Variants in TDRD1 observed in about 807,000 individuals in gnomAD.
TDRD1 encodes the protein tudor domain containing 1, also known as tudor domain-containing protein 1.
Under a neutral mutation model 140.6 loss-of-function variants are expected in TDRD1, and 37 were observed. The observed-to-expected ratio is 0.26, with a 90% CI of 0.20 to 0.35. TDRD1 has a LOEUF of 0.35. Ranked by LOEUF, TDRD1 falls within the 10% of genes least tolerant of loss-of-function variation. TDRD1 has a pLI of 1.00. For missense variants in TDRD1, 1,243 were observed against 1,393.0 expected (o/e 0.89, Z 1.71); for synonymous variants, 506 against 475.7 (o/e 1.06, Z -0.83).
intron 1 of TDRD1, among the ~76,000 whole-genome samples, chr10:114,181,373 G>T (rs1197752936): frequency 6.6e-6 from 1 of 152,214 alleles, no homozygotes; most frequent in Non-Finnish European, 1.5e-5. Context: ...AGCCGATGTG[G>T]CTTCAGGGCC....
chr10:114,207,648 T>A (rs2035212652), intron 11 of TDRD1, among the ~76,000 whole-genome samples: 1 of 150,842 alleles, frequency 6.6e-6, no homozygotes, highest in Non-Finnish European at 1.5e-5. Context: ...TGCAATAGAG[T>A]GAGGAAGAAT....
At chr10:114,221,854 A>C (rs1422895413) in intron 20 of TDRD1, among the ~76,000 whole-genome samples, 1 of 152,248 alleles carries the variant, frequency 6.6e-6, no homozygotes, top group Non-Finnish European at 1.5e-5. Context: ...AGACGTAGAG[A>C]AATGTTTCAC....
intron 2 of TDRD1, among the ~76,000 whole-genome samples, chr10:114,188,556 C>T (rs544941414): frequency 1.9e-4 from 29 of 152,206 alleles, no homozygotes; most frequent in Non-Finnish European, 3.8e-4. Context: ...TCCTTTAGTT[C>T]CCGTTCTAAA....
intron 20 of TDRD1, among the ~76,000 whole-genome samples, chr10:114,221,997 G>A (rs1277867898): frequency 6.6e-6 from 1 of 152,206 alleles, no homozygotes; most frequent in Non-Finnish European, 1.5e-5. Flanking sequence ...CTGAAGATGA[G>A]TTAGTGCAAG....
At chr10:114,209,783 A>G (rs906548448) in intron 11 of TDRD1, among the ~76,000 whole-genome samples, 1 of 152,220 alleles carries the variant, frequency 6.6e-6, no homozygotes, top group African/African-American at 2.4e-5. Flanking sequence ...TAATAAGTCT[A>G]TAATCTAGAT....
At chr10:114,181,673 C>CAA in intron 1 of TDRD1, among the ~76,000 whole-genome samples, 1 of 152,070 alleles carries the variant, frequency 6.6e-6, no homozygotes, top group Non-Finnish European at 1.5e-5. Context: ...GGTGAAACCC[C>CAA]GTCTCTACTA....
At chr10:114,213,095 G>T (rs577216549) in intron 14 of TDRD1, among the ~76,000 whole-genome samples, 13 of 152,250 alleles carry the variant, frequency 8.5e-5, no homozygotes, top group Admixed American at 4.6e-4. Flanking sequence ...TGGTAGAGAT[G>T]TGAGTCTGGC....
At chr10:114,201,372 A>G (rs1033911746) in intron 4 of TDRD1, 38 bp from the exon 5 acceptor site, 1 of 1,525,820 alleles carries the variant, frequency 6.6e-7, no homozygotes, top group Non-Finnish European at 9.1e-7. Flanking sequence ...GAATGTCTTG[A>G]TCTTCATCTG....
exon 17 of TDRD1, chr10:114,217,581 C>A: frequency 3.7e-6 from 6 of 1,603,304 alleles, no homozygotes; most frequent in Non-Finnish European, 5.1e-6. Flanking sequence ...AAGTCATTAG[C>A]AGAACACTGC....
At position 114,201,111 on chromosome 10, in the gene TDRD1, C is replaced by T. The variant is rs192334843; in HGVS notation, c.530-299C>T. 4.6e-3 allele frequency among the ~76,000 whole-genome samples: 693 copies of T among 152,024 alleles called. 5 individuals are homozygous for T. The highest frequency in any genetic ancestry group is 0.016 in the African/African-American group (644 of 41,472). On this transcript the variant is annotated intron_variant, in intron 4 of 25. Transcript: ENST00000251864. Reference sequence around the variant, plus strand: ...CCTCAGGTGATTCACCTGCCTCAGCCGCCCAAAGTGCTGGGATTACAGACG... The same window carrying T: ...CCTCAGGTGATTCACCTGCCTCAGCTGCCCAAAGTGCTGGGATTACAGACG...
intron 11 of TDRD1, among the ~76,000 whole-genome samples, chr10:114,206,763 G>A (rs760468231): frequency 3.9e-5 from 6 of 151,974 alleles, no homozygotes; most frequent in South Asian, 2.1e-4. Context: ...ACAGGCTCCC[G>A]CTAGCACGCC....
At chr10:114,216,858 C>A (rs2035843179) in intron 16 of TDRD1, among the ~76,000 whole-genome samples, 1 of 152,148 alleles carries the variant, frequency 6.6e-6, no homozygotes, top group African/African-American at 2.4e-5. Context: ...AGTAAATGAG[C>A]CTTTGTCACA....
chr10:114,201,068 C>A (rs1589678822), intron 4 of TDRD1, among the ~76,000 whole-genome samples: 2 of 151,806 alleles, frequency 1.3e-5, no homozygotes, highest in East Asian at 3.9e-4. Flanking sequence ...GTTGGCCAGG[C>A]TGGTCTCGAA....
At chr10:114,181,616 G>A (rs529534041) in intron 1 of TDRD1, among the ~76,000 whole-genome samples, 1 of 152,288 alleles carries the variant, frequency 6.6e-6, no homozygotes, top group South Asian at 2.1e-4. Context: ...CGCTTCGGGA[G>A]GCTGAGGCGG....
At chr10:114,198,937 C>A (rs574757704) in intron 3 of TDRD1, among the ~76,000 whole-genome samples, 1 of 152,226 alleles carries the variant, frequency 6.6e-6, no homozygotes, top group African/African-American at 2.4e-5. Context: ...ACCCAGACAT[C>A]TTATTGCCAT....
At chr10:114,210,601 A>C (rs1255441350) in exon 12 of TDRD1, 1 of 1,595,042 alleles carries the variant, frequency 6.3e-7, no homozygotes, top group African/African-American at 1.3e-5. Flanking sequence ...AGATGTTGGA[A>C]AAATGACAAC....
chr10:114,203,304 T>C, intron 7 of TDRD1, 84 bp from the exon 8 acceptor site: 6 of 1,520,414 alleles, frequency 3.9e-6, no homozygotes, highest in Non-Finnish European at 5.3e-6. Context: ...CAATGCTGTT[T>C]GTGTCTTAGT....
rs551925721 is a variant in TDRD1 at position 114,190,482 on chromosome 10, T to C, written c.326-479T>C. Among the ~76,000 whole-genome samples the C allele has an allele frequency of 2.2e-4, 34 of 152,230 alleles. No homozygotes were observed. The South Asian group carries it at 6.7e-3, about 30-fold the overall frequency. On this transcript the variant is annotated intron_variant, in intron 2 of 25. Coordinates refer to ENST00000251864, the Ensembl canonical transcript of TDRD1. ...TCAAGAAAATTTTGAACAAGTCCTT[T>C]TATTTATATTTTTACTTTTTTTCAA...
chr10:114,224,407 C>A lies in TDRD1; in HGVS notation c.3008-1642C>A, dbSNP rs569781198. ...CTTAGTATGGTGTTTCTTTTTCTAC[C>A]GTTTTGCTGGGCACTCAGTGGGTGG... On this transcript the variant is annotated intron_variant, in intron 21 of 25. Transcript: ENST00000251864. Among the ~76,000 whole-genome samples, 29 of 152,222 alleles carry A rather than the reference C, an allele frequency of 1.9e-4. No individual in the cohort carries two copies. In the South Asian group the frequency reaches 6.0e-3, roughly 32 times the overall value.
Sources: allele counts gnomAD v4.1 joint callset (sites outside exome capture counted in the v4.1 genomes callset), GRCh38; gene constraint gnomAD v4.1.1; transcripts MANE v1.5; gene names NCBI Gene and HGNC (gene_info 2026-07-23, HGNC 2026-07-21).